HMGB1: variants seen among roughly 807,000 people sequenced by gnomAD.
HMGB1 encodes the protein high mobility group protein B1.
For synonymous variants in HMGB1, 81 were observed against 84.0 expected (o/e 0.96, Z 0.19); for missense variants, 79 against 253.5 (o/e 0.31, Z 4.67).
chr13:30,465,096 C>A, intron 1 of HMGB1: 1 of 936,176 alleles, frequency 1.1e-6, no homozygotes, highest in Non-Finnish European at 1.3e-6. Context: ...CGCCCAGCTC[C>A]CCCGCCCGCC....
chr13:30,579,948 G>A (rs994274013), intron 1 of HMGB1, among the ~76,000 whole-genome samples: 1 of 152,140 alleles, frequency 6.6e-6, no homozygotes, highest in Non-Finnish European at 1.5e-5. Flanking sequence ...TGTTCATCTG[G>A]TACAATAATG....
At chr13:30,503,560 T>C (rs1476768178) in intron 1 of HMGB1, among the ~76,000 whole-genome samples, 2 of 151,982 alleles carry the variant, frequency 1.3e-5, no homozygotes, top group African/African-American at 4.8e-5. Flanking sequence ...ACATTTCTGT[T>C]GCCAGCCTAC....
chr13:30,599,890 G>C (rs1871788206), intron 1 of HMGB1, among the ~76,000 whole-genome samples: 1 of 152,144 alleles, frequency 6.6e-6, no homozygotes, highest in Admixed American at 6.5e-5. Flanking sequence ...ACCTTAATTT[G>C]TCAACACTAC....
At chr13:30,495,695 G>T (rs1421816029) in intron 1 of HMGB1, among the ~76,000 whole-genome samples, 1 of 152,124 alleles carries the variant, frequency 6.6e-6, no homozygotes, top group Non-Finnish European at 1.5e-5. Context: ...AGCCAGGATG[G>T]TCTCGATCTC....
chr13:30,489,600 G>A (rs1382427008), intron 1 of HMGB1, among the ~76,000 whole-genome samples: 1 of 152,004 alleles, frequency 6.6e-6, no homozygotes, highest in Non-Finnish European at 1.5e-5. Context: ...AGGAACAGAG[G>A]TTAACACTGT....
chr13:30,601,745 C>CAAAA (rs914063726), intron 1 of HMGB1, among the ~76,000 whole-genome samples: 87 of 3,544 alleles, frequency 0.025, 34 homozygotes, highest in Non-Finnish European at 0.029. Flanking sequence ...GACTCCGTCT[C>CAAAA]AAAAAAAAAA....
intron 1 of HMGB1, chr13:30,463,983 A>T: frequency 2.1e-6 from 1 of 468,974 alleles, no homozygotes; most frequent in South Asian, 6.0e-5. Flanking sequence ...TCTGCTCTGA[A>T]TGAGTATCTA....
chr13:30,494,938 T>A (rs891175455), intron 1 of HMGB1, among the ~76,000 whole-genome samples: 7 of 152,236 alleles, frequency 4.6e-5, no homozygotes, highest in African/African-American at 1.7e-4. Flanking sequence ...TGTACTTCTG[T>A]GATTGGTTTA....
intron 1 of HMGB1, among the ~76,000 whole-genome samples, chr13:30,503,819 G>T (rs1317772451): frequency 6.6e-6 from 1 of 152,024 alleles, no homozygotes; most frequent in Non-Finnish European, 1.5e-5. Flanking sequence ...TGGAGAGGGA[G>T]GCCATGGAGT....
intron 1 of HMGB1, among the ~76,000 whole-genome samples, chr13:30,604,654 G>GT (rs1371303658): frequency 3.3e-5 from 5 of 152,200 alleles, no homozygotes; most frequent in South Asian, 2.1e-4. Flanking sequence ...GCTTCCCAAT[G>GT]TTTTTTTGTT....
At chr13:30,580,457 G>C (rs180976111) in intron 1 of HMGB1, among the ~76,000 whole-genome samples, 11 of 152,218 alleles carry the variant, frequency 7.2e-5, no homozygotes, top group African/African-American at 2.2e-4. Flanking sequence ...CATCAGCTAT[G>C]GCTTGTTTTA....
chr13:30,503,504 A>T (rs1482560589), intron 1 of HMGB1, among the ~76,000 whole-genome samples: 1 of 152,192 alleles, frequency 6.6e-6, no homozygotes, highest in African/African-American at 2.4e-5. Context: ...TATAGTCTGT[A>T]TACTGTATCT....
chr13:30,462,230 T>C (rs1314370802), intron 4 of HMGB1: 1 of 396,592 alleles, frequency 2.5e-6, no homozygotes, highest in Non-Finnish European at 4.8e-6. Context: ...TTTTGTACTG[T>C]ATGCCAAGCC....
rs561590342 is a variant in HMGB1, at chr13:30,563,823, T to C, written c.-15+52848A>G. On this transcript the variant is annotated intron_variant, in intron 1 of 4. Transcript: ENST00000405805. ...ATCAATTGAGGATAAAGATGCCTCA[T>C]TGCTAATGAAGATGTGGTTTAAGGA... 4.7e-4 allele frequency among the ~76,000 whole-genome samples: 71 copies of C among 152,322 alleles called. 1 individual carries two copies. The highest frequency in any genetic ancestry group is 1.7e-3 in the African/African-American group (69 of 41,578).
chr13:30,557,944 C>T (rs2137520853), intron 1 of HMGB1, among the ~76,000 whole-genome samples: 1 of 152,282 alleles, frequency 6.6e-6, no homozygotes, highest in South Asian at 2.1e-4. Context: ...GCCAGTGTCC[C>T]TGAGGTTCCT....
chr13:30,489,464 A>T (rs1887435182), intron 1 of HMGB1, among the ~76,000 whole-genome samples: 1 of 152,264 alleles, frequency 6.6e-6, no homozygotes, highest in African/African-American at 2.4e-5. Flanking sequence ...AAAACAAAAA[A>T]TACAGCATGT....
At chr13:30,532,334 C>CAAA (rs34132409) in intron 1 of HMGB1, among the ~76,000 whole-genome samples, 1 of 113,316 alleles carries the variant, frequency 8.8e-6, no homozygotes, top group African/African-American at 3.3e-5. Context: ...GACTCTGTCT[C>CAAA]AAAAAAAAAA....
At chr13:30,505,355 T>C (rs936528722) in intron 1 of HMGB1, among the ~76,000 whole-genome samples, 34 of 152,064 alleles carry the variant, frequency 2.2e-4, no homozygotes, top group Admixed American at 5.9e-4. Flanking sequence ...ATTTTTTGTA[T>C]TTTTAGTAGA....
chr13:30,465,143 G>C, intron 1 of HMGB1: 1 of 968,786 alleles, frequency 1.0e-6, no homozygotes, highest in Non-Finnish European at 1.2e-6. Flanking sequence ...CGCCGGGCCC[G>C]AGTCAGCCAT....
Sources: allele counts gnomAD v4.1 joint callset (sites outside exome capture counted in the v4.1 genomes callset), GRCh38; gene constraint gnomAD v4.1.1; transcripts MANE v1.5; gene names NCBI Gene and HGNC (gene_info 2026-07-23, HGNC 2026-07-21).